The following PKHD1 variants were observed in gnomAD, a reference collection of about 807,000 sequenced individuals.
PKHD1 encodes fibrocystin.
In PKHD1, 291 loss-of-function variants were observed where a neutral mutation model predicts 412.0. That is an observed-to-expected ratio of 0.71 (90% CI 0.64 to 0.78). The LOEUF (loss-of-function observed/expected upper bound fraction) is 0.78, where lower values mean the gene tolerates loss of function less well. Ranked by LOEUF, PKHD1 falls within the 30% of genes least tolerant of loss-of-function variation. PKHD1 has a pLI of 0.00. For synonymous variants in PKHD1, 1,777 were observed against 1,821.5 expected (o/e 0.98, Z 0.62); for missense variants, 4,825 against 4,950.7 (o/e 0.97, Z 0.76).
At chr6:51,726,557 C>A (rs764583272) in intron 60 of PKHD1, among the ~76,000 whole-genome samples, 15 of 152,116 alleles carry the variant, frequency 9.9e-5, no homozygotes, top group African/African-American at 3.6e-4. Context: ...TTCCCATTAC[C>A]GCTTCATCCC....
At chr6:51,984,118 A>G (rs904114158) in intron 35 of PKHD1, among the ~76,000 whole-genome samples, 2 of 152,262 alleles carry the variant, frequency 1.3e-5, no homozygotes, top group Admixed American at 1.3e-4. Context: ...AAAAGCCCAT[A>G]GAGAGGCTTC....
rs1022891550 is a variant in PKHD1 at position 51,718,128 on chromosome 6, T to C, written c.10156+26257A>G. Among the ~76,000 whole-genome samples, 4 of 152,232 alleles carry C rather than the reference T, an allele frequency of 2.6e-5. No homozygotes were observed. In the East Asian group the frequency reaches 7.7e-4, roughly 29 times the overall value. ...CTCAAGACAAAACAATTTTTTAATA[T>C]ACGTAATGGATCAATCTTTTCTGTT... On this transcript the variant is annotated intron_variant, in intron 60 of 66. Transcript: ENST00000371117.
At chr6:51,779,676 C>A (rs1791652390) in intron 53 of PKHD1, among the ~76,000 whole-genome samples, 1 of 151,918 alleles carries the variant, frequency 6.6e-6, no homozygotes, top group Non-Finnish European at 1.5e-5. Context: ...AACTTTTAAG[C>A]ATTTATGTAC....
chr6:51,664,821 G>A (rs878884591), intron 60 of PKHD1, among the ~76,000 whole-genome samples: 1 of 152,006 alleles, frequency 6.6e-6, no homozygotes, highest in Admixed American at 6.6e-5. Context: ...TTAAACCTCT[G>A]TGTATGAATA....
At chr6:51,779,542 T>C (rs1582643789) in intron 53 of PKHD1, among the ~76,000 whole-genome samples, 1 of 152,294 alleles carries the variant, frequency 6.6e-6, no homozygotes, top group East Asian at 1.9e-4. Context: ...GCAGAGTTTA[T>C]TTGAAGATAT....
intron 35 of PKHD1, among the ~76,000 whole-genome samples, chr6:51,996,704 T>G (rs995640381): frequency 6.6e-6 from 1 of 152,230 alleles, no homozygotes; most frequent in African/African-American, 2.4e-5. Flanking sequence ...AAAAGGTGAC[T>G]TGTTTTCACC....
At chr6:51,957,727 A>G (rs1791361823) in intron 36 of PKHD1, among the ~76,000 whole-genome samples, 1 of 151,970 alleles carries the variant, frequency 6.6e-6, no homozygotes, top group African/African-American at 2.4e-5. Flanking sequence ...ATTTCCTCAA[A>G]CTTTGATTTG....
chr6:51,661,645 C>T (rs184697640), intron 60 of PKHD1, among the ~76,000 whole-genome samples: 81 of 150,828 alleles, frequency 5.4e-4, no homozygotes, highest in South Asian at 1.9e-3. Context: ...AAAGGAACAG[C>T]GTTATTCATT....
intron 66 of PKHD1, among the ~76,000 whole-genome samples, chr6:51,621,199 C>T (rs1175366592): frequency 6.6e-6 from 1 of 152,142 alleles, no homozygotes; most frequent in Non-Finnish European, 1.5e-5. Context: ...ATTTGAGTTC[C>T]TTCAAGGAAG....
intron 36 of PKHD1, among the ~76,000 whole-genome samples, chr6:51,954,396 G>T (rs929041997): frequency 6.6e-6 from 1 of 152,070 alleles, no homozygotes; most frequent in Non-Finnish European, 1.5e-5. Context: ...AAGTAGTGGA[G>T]CCCAGATTCA....
chr6:51,986,389 T>G (rs1016513808), intron 35 of PKHD1, among the ~76,000 whole-genome samples: 2 of 152,212 alleles, frequency 1.3e-5, no homozygotes, highest in African/African-American at 4.8e-5. Context: ...TCTTGTCAGT[T>G]GCTGAAGAAA....
intron 43 of PKHD1, among the ~76,000 whole-genome samples, chr6:51,899,715 C>T (rs149143008): frequency 2.6e-4 from 39 of 152,116 alleles, no homozygotes; most frequent in East Asian, 5.8e-4. Flanking sequence ...TAGGAAAAGA[C>T]GAAGTCAAAT....
At chr6:51,854,042 C>T (rs1447193879) in intron 49 of PKHD1, among the ~76,000 whole-genome samples, 1 of 152,120 alleles carries the variant, frequency 6.6e-6, no homozygotes, top group Non-Finnish European at 1.5e-5. Flanking sequence ...GATTCTTTTT[C>T]ATCCTTTTGA....
At chr6:52,034,220 C>T (rs1377471778) in intron 28 of PKHD1, among the ~76,000 whole-genome samples, 1 of 149,548 alleles carries the variant, frequency 6.7e-6, no homozygotes, top group African/African-American at 2.5e-5. Context: ...AAATATACTA[C>T]CCGGTTCTGC....
In PKHD1 at chr6:51,935,048, C is replaced by T. The variant is rs1031624524; in HGVS notation, c.5909-726G>A. Among the ~76,000 whole-genome samples, 30 of 152,178 alleles carry T rather than the reference C, an allele frequency of 2.0e-4. 1 individual carries two copies. ...CCCACCTGCCCATCTCCCTGCCTGC[C>T]CCACCACCCGCCACTTGCATCAAAT... On this transcript the variant is annotated intron_variant, in intron 36 of 66. Transcript: ENST00000371117.
At position 51,649,160 on chromosome 6, in the gene PKHD1, G is replaced by C. The variant is rs777438864; in HGVS notation, c.11235C>G (p.Ile3745Met). Residue 3745 changes from isoleucine to methionine, a missense_variant, in exon 62 of 67, where the codon ATC (isoleucine) becomes ATG (methionine). By Grantham distance (10) the Ile-to-Met change is conservative (BLOSUM62 1). Transcript: ENST00000371117. ...CTTCTCCATCTGAAGGCTGGACTAG[G>C]ATGGAAAGTGCATAGGGCCGAATAT... Reference protein sequence around the residue: ...LIYIRPYALSILVQPSDGEVG... With the variant: ...LIYIRPYALSMLVQPSDGEVG... The C allele has an allele frequency of 6.2e-7, 1 of 1,611,836 alleles. No homozygotes were observed. Among genetic ancestry groups the C allele is most frequent in the Non-Finnish European group, 8.5e-7 (1 of 1,177,986 alleles).
intron 60 of PKHD1, among the ~76,000 whole-genome samples, chr6:51,733,018 G>A (rs528197575): frequency 6.6e-6 from 1 of 152,258 alleles, no homozygotes; most frequent in East Asian, 1.9e-4. Flanking sequence ...GTACCAAAAG[G>A]TATTGTATGA....
intron 50 of PKHD1, among the ~76,000 whole-genome samples, chr6:51,844,860 T>C (rs1267240970): frequency 1.3e-5 from 2 of 152,156 alleles, no homozygotes; most frequent in Admixed American, 6.5e-5. Flanking sequence ...GTGGCCATGA[T>C]AGAGATCAAG....
rs1332244176 is a variant in PKHD1 at position 51,713,883 on chromosome 6, A to C, written c.10156+30502T>G. On this transcript the variant is annotated intron_variant, in intron 60 of 66. Coordinates refer to ENST00000371117, the MANE Select transcript of PKHD1 (RefSeq NM_138694.4). ...GGTATCTTTGCTCAGAAAGCTGAGC[A>C]AAGTGGAACCCTCTTTAGCACAACT... Among the ~76,000 whole-genome samples, 6 of 152,092 alleles carry C rather than the reference A, an allele frequency of 3.9e-5. No individual in the cohort carries two copies. The East Asian group carries it at 1.2e-3, about 29-fold the overall frequency.
Sources: allele counts gnomAD v4.1 joint callset (sites outside exome capture counted in the v4.1 genomes callset), GRCh38; gene constraint gnomAD v4.1.1; transcripts MANE v1.5; gene names NCBI Gene and HGNC (gene_info 2026-07-23, HGNC 2026-07-21).